The following LIMK2 variants were observed in gnomAD, a reference collection of about 807,000 sequenced individuals.
The protein encoded by LIMK2 is LIM domain kinase 2.
In LIMK2, 35 loss-of-function variants were observed where a neutral mutation model predicts 75.7. That is an observed-to-expected ratio of 0.46 (90% CI 0.35 to 0.61). The LOEUF (loss-of-function observed/expected upper bound fraction) is 0.61. LIMK2 is among the 20% of genes least tolerant of loss of function. The pLI, the probability that LIMK2 is intolerant of heterozygous loss-of-function variation, is 0.00. For missense variants in LIMK2, 623 were observed against 831.0 expected (o/e 0.75, Z 3.08); for synonymous variants, 301 against 319.2 (o/e 0.94, Z 0.61).
intron 1 of LIMK2, among the ~76,000 whole-genome samples, chr22:31,219,416 G>A (rs2048415288): frequency 6.6e-6 from 1 of 152,098 alleles, no homozygotes; most frequent in South Asian, 2.1e-4. Context: ...CTCACCTTAC[G>A]TTGCACAGTT....
At chr22:31,221,678 T>G (rs1235305847) in intron 1 of LIMK2, among the ~76,000 whole-genome samples, 1 of 151,986 alleles carries the variant, frequency 6.6e-6, no homozygotes, top group Non-Finnish European at 1.5e-5. Flanking sequence ...AGAGACAAGG[T>G]TTCACCATAT....
intron 15 of LIMK2, among the ~76,000 whole-genome samples, chr22:31,277,846 G>A (rs2049047959): frequency 1.3e-5 from 2 of 152,248 alleles, no homozygotes; most frequent in Admixed American, 1.3e-4. Flanking sequence ...GATTGTTCAG[G>A]GTACCAGTTG....
chr22:31,216,604 G>A (rs946519943), intron 1 of LIMK2, among the ~76,000 whole-genome samples: 10 of 152,190 alleles, frequency 6.6e-5, no homozygotes, highest in African/African-American at 2.4e-4. Context: ...GATGCCTCCT[G>A]ACATAGGCAG....
chr22:31,270,986 G>T, intron 11 of LIMK2, 150 bp from the exon 12 acceptor site: 1 of 676,068 alleles, frequency 1.5e-6, no homozygotes. Context: ...CAAGGGAGAG[G>T]CCATAGGAGG....
chr22:31,227,608 A>G (rs1185087580), intron 2 of LIMK2, among the ~76,000 whole-genome samples: 1 of 152,204 alleles, frequency 6.6e-6, no homozygotes, highest in Non-Finnish European at 1.5e-5. Context: ...AGAGAATGTC[A>G]GAGCTGTAAG....
intron 9 of LIMK2, 22 bp from the exon 10 acceptor site, chr22:31,267,754 C>T: frequency 6.4e-7 from 1 of 1,572,724 alleles, no homozygotes; most frequent in Non-Finnish European, 8.6e-7. Flanking sequence ...CACCAGCTTT[C>T]CTTGGCTTCC....
intron 12 of LIMK2, 89 bp from the exon 13 acceptor site, chr22:31,272,441 C>T: frequency 1.6e-6 from 2 of 1,266,026 alleles, no homozygotes; most frequent in Admixed American, 2.3e-5. Flanking sequence ...TTCTCCCCTT[C>T]TCAGTGGCTT....
At chr22:31,256,562 A>C (rs2048784489) in intron 2 of LIMK2, among the ~76,000 whole-genome samples, 1 of 149,566 alleles carries the variant, frequency 6.7e-6, no homozygotes, top group Admixed American at 6.7e-5. Context: ...CTGGTCTCGA[A>C]CTCCTGACTT....
intron 1 of LIMK2, among the ~76,000 whole-genome samples, chr22:31,223,347 G>A (rs956627579): frequency 1.3e-5 from 2 of 152,170 alleles, no homozygotes; most frequent in Non-Finnish European, 2.9e-5. Context: ...ATATCCTCAT[G>A]GTGGAAAGTC....
At chr22:31,217,314 T>C (rs967749284) in intron 1 of LIMK2, among the ~76,000 whole-genome samples, 2 of 152,000 alleles carry the variant, frequency 1.3e-5, no homozygotes, top group African/African-American at 2.4e-5. Flanking sequence ...AGAGAATTGC[T>C]TGAACCTGGG....
intron 15 of LIMK2, chr22:31,277,640 T>A (rs895165811): frequency 9.8e-6 from 7 of 716,180 alleles, no homozygotes; most frequent in African/African-American, 9.7e-5. Flanking sequence ...TATACAGTAT[T>A]GAATGCCTAC....
rs146397913 is a variant in LIMK2 at position 31,268,147 on chromosome 22, C to G, written c.1264C>G (p.Pro422Ala). Residue 422 changes from proline to alanine, a missense_variant, in exon 11 of 16, where the codon CCG (proline) becomes GCG (alanine). Physicochemically the swap from Pro to Ala is conservative, Grantham distance 27. Coordinates refer to ENST00000331728, the MANE Select transcript of LIMK2 (RefSeq NM_005569.4). ...AAAATCATTCCCCATTCTGCAGGAT[C>G]CGTTCCCCTGGCAGCAGAAGGTCAG... ...TLKDFLRSMD[P>A]FPWQQKVRFA... 5.0e-6 allele frequency: 8 copies of G among 1,613,886 alleles called. No homozygotes were observed. Among genetic ancestry groups the G allele is most frequent in the Non-Finnish European group, 6.8e-6 (8 of 1,179,964 alleles).
chr22:31,255,186 A>C (rs1455450583), intron 2 of LIMK2, among the ~76,000 whole-genome samples: 1 of 152,084 alleles, frequency 6.6e-6, no homozygotes, highest in African/African-American at 2.4e-5. Context: ...TGGGGAAACA[A>C]CCCAGAGAGG....
At position 31,262,269 on chromosome 22, in the gene LIMK2, G is replaced by A. The variant is rs1463960811; in HGVS notation, c.657+30G>A. 4.0e-6 allele frequency: 6 copies of A among 1,515,554 alleles called. No homozygotes were observed. Among genetic ancestry groups the A allele is most frequent in the Non-Finnish European group, 5.5e-6 (6 of 1,090,062 alleles). 93.9% of individuals were successfully genotyped at this position (1,515,554 alleles called of 1,614,324 possible). A position where few individuals can be genotyped will look rare whatever the true frequency, so the allele number is the denominator to read the frequency against. ...AGTGTGTGTCTAATCTGTCTTGTGA[G>A]GGTGGGACATGGAACAGATCCTCTG... On this transcript the variant is annotated intron_variant, in intron 6 of 15. Coordinates refer to ENST00000331728, the MANE Select transcript of LIMK2 (RefSeq NM_005569.4). The surrounding 1 kb of genome is among the most constrained non-coding windows in gnomAD (Gnocchi z 5.0).
rs1188171176 is a variant in LIMK2 at position 31,258,360 on chromosome 22, G to T, written c.186G>T (p.Lys62Asn). 1 of 1,614,088 alleles carries T rather than the reference G, an allele frequency of 6.2e-7. No individual in the cohort carries two copies. Among genetic ancestry groups the T allele is most frequent in the Admixed American group, 1.7e-5 (1 of 60,022 alleles). The change falls in exon 3 of 16, where the codon AAG (lysine) becomes AAT (asparagine). Residue 62 changes from lysine to asparagine, a missense_variant. This residue lies in a region of LIMK2 where 514 missense variants were observed against 661.3 expected (regional missense o/e 0.78). Transcript: ENST00000331728. Reference sequence around the variant, plus strand: ...AGGATGGGAAGCTCTACTGCCCCAAGGACTACTGGGGGAAGTTTGGGGAGT... The same window carrying T: ...AGGATGGGAAGCTCTACTGCCCCAATGACTACTGGGGGAAGTTTGGGGAGT... ...YEKDGKLYCP[K>N]DYWGKFGEFC...
rs562938919 is a variant in LIMK2 at position 31,275,055 on chromosome 22, G to A, written c.1615-96G>A. The A allele has an allele frequency of 4.5e-5, 54 of 1,197,958 alleles. No homozygotes were observed. The African/African-American group carries it at 7.4e-4, about 16-fold the overall frequency. The allele number at this position is 1,197,958 out of a possible 1,614,324, so 74.2% of individuals were successfully genotyped here. Reference sequence around the variant, plus strand: ...AACCTATTTTACCACCTCCTCTTCTGCCATTCTTCCTGTCCACATCCCAGC... The same window carrying A: ...AACCTATTTTACCACCTCCTCTTCTACCATTCTTCCTGTCCACATCCCAGC... On this transcript the variant is annotated intron_variant, in intron 14 of 15. Transcript: ENST00000331728.
At chr22:31,274,079 A>C (rs2048986954) in intron 14 of LIMK2, among the ~76,000 whole-genome samples, 1 of 151,230 alleles carries the variant, frequency 6.6e-6, no homozygotes, top group Non-Finnish European at 1.5e-5. Flanking sequence ...GATAAGGGGC[A>C]GATGAGACTC....
rs191452671 is a variant in LIMK2 at position 31,237,486 on chromosome 22, C to A, written c.116+11667C>A. On this transcript the variant is annotated intron_variant, in intron 2 of 15. Coordinates refer to ENST00000331728, the MANE Select transcript of LIMK2 (RefSeq NM_005569.4). The stretch of plus-strand genomic sequence containing the variant: ...GACTAAGGCAGGAGAATAGCTTGAA[C>A]CTGGGAGATGGAGGTTGCAGTGTGC... Among the ~76,000 whole-genome samples, 781 of 151,570 alleles carry A rather than the reference C, an allele frequency of 5.2e-3. 4 individuals carry two copies. Among genetic ancestry groups the A allele is most frequent in the African/African-American group, 0.018 (741 of 41,302 alleles).
At chr22:31,212,450 C>G in intron 1 of LIMK2, 26 bp downstream of exon 1, 1 of 1,319,124 alleles carries the variant, frequency 7.6e-7, no homozygotes. Context: ...TCCGCCCTGT[C>G]CCGCTGTTAT....
Sources: gnomAD v4.1 joint callset for allele counts (sites outside exome capture counted in the v4.1 genomes callset) on GRCh38, gnomAD v4.1.1 for gene constraint, gnomAD v4.1.1 regional missense constraint, Gnocchi (gnomAD v3.1) non-coding constraint, MANE v1.5 for transcripts, NCBI Gene and HGNC (gene_info 2026-07-23, HGNC 2026-07-21) for gene names.